Variants in HTRA4 observed in about 807,000 individuals in gnomAD.
HTRA4 encodes serine protease HTRA4.
In HTRA4, 46 loss-of-function variants were observed where a neutral mutation model predicts 49.1. The ratio of observed to expected loss-of-function variants is 0.94; its 90% CI spans 0.74 to 1.20. The LOEUF is 1.20. HTRA4 is among the 50% of genes most tolerant of loss of function. The probability of loss-of-function intolerance (pLI) is 0.00; values close to 1 mark genes in which losing one functional copy is unlikely to be tolerated. For synonymous variants in HTRA4, 261 were observed against 264.0 expected, an observed-to-expected ratio of 0.99 and a Z score of 0.11; for missense variants, 602 against 636.9, an observed-to-expected ratio of 0.95 and a Z score of 0.59.
intron 5 of HTRA4, among the ~76,000 whole-genome samples, chr8:38,979,552 G>A (rs1785110944): frequency 6.6e-6 from 1 of 152,228 alleles, no homozygotes; most frequent in South Asian, 2.1e-4. Flanking sequence ...ATTCAAGATT[G>A]TTATCCTGGT....
At chr8:38,976,770 C>A in intron 3 of HTRA4, 31 bp downstream of exon 3, 5 of 1,607,052 alleles carry the variant, frequency 3.1e-6, no homozygotes, top group Middle Eastern at 1.7e-4. Context: ...TCAGAGTCTA[C>A]ATATTTGGGG....
intron 3 of HTRA4, 85 bp from the exon 4 acceptor site, chr8:38,977,868 T>G: frequency 7.2e-7 from 1 of 1,386,520 alleles, no homozygotes. Flanking sequence ...GTCATATATG[T>G]GTTAGACACA....
Position 38,974,679 on chromosome 8 carries a change from TG to T in HTRA4, c.419del (p.Gly140AlafsTer67). On this transcript the variant is annotated frameshift_variant, in exon 1 of 9. Coordinates refer to ENST00000302495, the MANE Select transcript of HTRA4 (RefSeq NM_153692.4). LOFTEE classifies it high-confidence loss of function. ...GCCGAAAACCGCGCCGCGCGCCGCC[TG>T]GGCAAGGTCCCGGCCGTGCCTGTGC... ...LRAENRAARRLGKVPAVPVQW... is the reference protein window; with the variant it reads ...LRAENRAARRXGKVPAVPVQW... 1 of 1,402,432 alleles carries T rather than the reference TG, an allele frequency of 7.1e-7. No homozygotes were observed. The highest frequency in any genetic ancestry group is 9.2e-7 in the Non-Finnish European group (1 of 1,088,548). The allele number at this position is 1,402,432 out of a possible 1,614,324, so 86.9% of individuals were successfully genotyped here.
chr8:38,987,909 ATCC>A, intron 8 of HTRA4, 24 bp from the exon 9 acceptor site: 1 of 1,528,506 alleles, frequency 6.5e-7, no homozygotes, highest in Non-Finnish European at 8.7e-7. Context: ...TAGTTTCATG[ATCC>A]TCTTTTTTTT....
intron 4 of HTRA4, among the ~76,000 whole-genome samples, chr8:38,978,667 T>C (rs1326404384): frequency 1.3e-5 from 2 of 152,094 alleles, no homozygotes; most frequent in African/African-American, 4.8e-5. Context: ...TGCTATTAGG[T>C]GGTCTGTTGT....
In HTRA4 at chr8:38,976,557, G is replaced by T; in HGVS notation, c.589G>T (p.Val197Phe). Residue 197 changes from valine to phenylalanine, a missense_variant, in exon 3 of 9, where the codon GTT becomes TTT. Physicochemically the swap from Val to Phe is conservative, Grantham distance 50. Transcript: ENST00000302495. ...CAGGTTACTTCACGGCAGCAGGCTTGTTCCTGTGTACAGTGGCTCTGGGTT... is the reference window on the plus strand; with the variant it reads ...CAGGTTACTTCACGGCAGCAGGCTTTTTCCTGTGTACAGTGGCTCTGGGTT... Reference protein sequence around the residue: ...WGRLLHGSRLVPVYSGSGFIV... With the variant: ...WGRLLHGSRLFPVYSGSGFIV... 1 of 1,614,040 alleles carries T rather than the reference G, an allele frequency of 6.2e-7. No individual in the cohort carries two copies. The highest frequency in any genetic ancestry group is 8.5e-7 in the Non-Finnish European group (1 of 1,180,040).
chr8:38,976,269 A>G (rs1021951974), intron 2 of HTRA4, among the ~76,000 whole-genome samples: 1 of 152,072 alleles, frequency 6.6e-6, no homozygotes, highest in East Asian at 1.9e-4. Context: ...AAAATTAGCC[A>G]GGCGTGGTGG....
intron 7 of HTRA4, among the ~76,000 whole-genome samples, 193 bp downstream of exon 7, chr8:38,982,748 C>T (rs1361045290): frequency 6.6e-6 from 1 of 152,168 alleles, no homozygotes; most frequent in African/African-American, 2.4e-5. Context: ...TTCATTGTGG[C>T]TGTATTTTAT....
intron 4 of HTRA4, 95 bp downstream of exon 4, chr8:38,978,242 G>A: frequency 9.2e-7 from 1 of 1,087,682 alleles, no homozygotes; most frequent in Non-Finnish European, 1.3e-6. Context: ...CAGGCTGTGA[G>A]CCATGGGCGA....
Position 38,981,086 on chromosome 8 carries a change from T to G in HTRA4, c.1000-567T>G, listed in dbSNP as rs975850055. On this transcript the variant is annotated intron_variant, in intron 5 of 8. Transcript: ENST00000302495. ...AAGTTTTTTTTTTTTTTTTTTTTTT[T>G]TTTTTTTTTTTGAGACGGAGTCTCG... is the stretch of plus-strand genomic sequence containing the variant. Among the ~76,000 whole-genome samples the G allele has an allele frequency of 3.1e-3, 388 of 123,930 alleles. 13 individuals carry two copies. Among genetic ancestry groups the G allele is most frequent in the African/African-American group, 0.014 (368 of 26,036 alleles). The allele number at this position is 123,930 out of a possible 152,430, so 81.3% of individuals were successfully genotyped here.
Position 38,988,179 on chromosome 8 carries a change from A to C in HTRA4, c.*81A>C. The C allele has an allele frequency of 7.7e-7, 1 of 1,299,900 alleles. No homozygotes were observed. The highest frequency in any genetic ancestry group is 1.0e-6 in the Non-Finnish European group (1 of 977,926). 80.5% of individuals were successfully genotyped at this position (1,299,900 alleles called of 1,614,324 possible). On this transcript the variant is annotated 3_prime_UTR_variant, in exon 9 of 9. Coordinates refer to ENST00000302495, the MANE Select transcript of HTRA4 (RefSeq NM_153692.4). Reference sequence around the variant, plus strand: ...GGTTTGTATTGGAGATGTGCCAAACATGGCAAGAAGTTTTTGGATCTTTTT... The same window carrying C: ...GGTTTGTATTGGAGATGTGCCAAACCTGGCAAGAAGTTTTTGGATCTTTTT...
In HTRA4 at chr8:38,976,735, C is replaced by A; in HGVS notation, c.767C>A (p.Ser256Ter). 1 of 1,614,070 alleles carries A rather than the reference C, an allele frequency of 6.2e-7. No homozygotes were observed. The highest frequency in any genetic ancestry group is 1.1e-5 in the South Asian group (1 of 91,036). The change falls in exon 3 of 9, where the codon TCA (serine) becomes TAA (stop). Residue 256 changes from serine to a stop codon, truncating the protein, a stop_gained. Coordinates refer to ENST00000302495, the MANE Select transcript of HTRA4 (RefSeq NM_153692.4). LOFTEE classifies it high-confidence loss of function. ...GATCTTGCGGTGATTAAGATTGAATCAAATGTGAGTATTTCAGGGCTGAGT... is the reference window on the plus strand; with the variant it reads ...GATCTTGCGGTGATTAAGATTGAATAAAATGTGAGTATTTCAGGGCTGAGT... ...KLDLAVIKIE[S>*]NAELPVLMLG...
chr8:38,988,151 C>A lies in HTRA4; in HGVS notation c.*53C>A. 2 of 1,440,210 alleles carry A rather than the reference C, an allele frequency of 1.4e-6. No individual in the cohort carries two copies. The highest frequency in any genetic ancestry group is 2.8e-5 in the South Asian group (2 of 71,776). The allele number at this position is 1,440,210 out of a possible 1,614,324, so 89.2% of individuals were successfully genotyped here. On this transcript the variant is annotated 3_prime_UTR_variant, in exon 9 of 9. Coordinates refer to ENST00000302495, the MANE Select transcript of HTRA4 (RefSeq NM_153692.4). Reference sequence around the variant, plus strand: ...AAAAAAAAAAAAACCAGTTATATCACGTGGTTTGTATTGGAGATGTGCCAA... The same window carrying A: ...AAAAAAAAAAAAACCAGTTATATCAAGTGGTTTGTATTGGAGATGTGCCAA...
At chr8:38,981,436 AG>A (rs1404976136) in intron 5 of HTRA4, among the ~76,000 whole-genome samples, 5 of 152,112 alleles carry the variant, frequency 3.3e-5, no homozygotes, top group African/African-American at 1.2e-4. Context: ...CATGAAAAGA[AG>A]GTAACTTCTG....
chr8:38,974,778 A>G, intron 1 of HTRA4, 49 bp downstream of exon 1: 2 of 1,407,030 alleles, frequency 1.4e-6, no homozygotes, highest in Non-Finnish European at 9.3e-7. Flanking sequence ...ACTCTGGAGG[A>G]GCGTAAAGGA....
chr8:38,986,318 T>C (rs537920920), intron 8 of HTRA4, among the ~76,000 whole-genome samples: 4 of 152,208 alleles, frequency 2.6e-5, no homozygotes, highest in Non-Finnish European at 5.9e-5. Context: ...GTTTCGCTCT[T>C]GTTGCCCCAG....
Position 38,982,564 on chromosome 8 carries a change from G to C in HTRA4, c.1172+9G>C. 1.2e-6 allele frequency: 2 copies of C among 1,613,972 alleles called. No individual in the cohort carries two copies. Among genetic ancestry groups the C allele is most frequent in the Non-Finnish European group, 1.7e-6 (2 of 1,179,826 alleles). On this transcript the variant is annotated intron_variant, in intron 7 of 8. Coordinates refer to ENST00000302495, the MANE Select transcript of HTRA4 (RefSeq NM_153692.4). ...CTGTCCCTCACTGTGCCGTAAGCATGTGTTTGAATATGTCTGGGTTGTTTT... is the reference window on the plus strand; with the variant it reads ...CTGTCCCTCACTGTGCCGTAAGCATCTGTTTGAATATGTCTGGGTTGTTTT...
chr8:38,982,709 T>C (rs972720692), intron 7 of HTRA4, among the ~76,000 whole-genome samples, 154 bp downstream of exon 7: 2 of 152,232 alleles, frequency 1.3e-5, no homozygotes, highest in Non-Finnish European at 2.9e-5. Context: ...TGCCTCTGCC[T>C]GCATCAGCAC....
At chr8:38,985,438 C>T (rs563625578) in intron 8 of HTRA4, among the ~76,000 whole-genome samples, 9 of 152,292 alleles carry the variant, frequency 5.9e-5, no homozygotes, top group African/African-American at 1.9e-4. Context: ...GGATTACAGG[C>T]GTGAGCCACC....
Sources: gnomAD v4.1 joint callset for allele counts (sites outside exome capture counted in the v4.1 genomes callset) on GRCh38, gnomAD v4.1.1 for gene constraint, MANE v1.5 for transcripts, NCBI Gene and HGNC (gene_info 2026-07-23, HGNC 2026-07-21) for gene names.